Variants in TMEM132D observed in about 807,000 individuals in gnomAD.
TMEM132D encodes transmembrane protein 132D.
A neutral mutation model predicts 62.3 loss-of-function variants in TMEM132D; 21 were observed. The ratio of observed to expected loss-of-function variants is 0.34; its 90% CI spans 0.24 to 0.49. The LOEUF (loss-of-function observed/expected upper bound fraction) is 0.49, where lower values mean the gene tolerates loss of function less well. Ranked by LOEUF, TMEM132D falls within the 20% of genes least tolerant of loss-of-function variation. TMEM132D has a pLI of 0.99. For synonymous variants in TMEM132D, 621 were observed against 575.6 expected, an observed-to-expected ratio of 1.08 and a Z score of -1.13; for missense variants, 1,346 against 1,402.8, an observed-to-expected ratio of 0.96 and a Z score of 0.65.
At chr12:129,155,751 C>T (rs1223410572) in intron 5 of TMEM132D, among the ~76,000 whole-genome samples, 2 of 152,150 alleles carry the variant, frequency 1.3e-5, no homozygotes, top group African/African-American at 2.4e-5. Flanking sequence ...TTATAACCAA[C>T]CCACTCCCAA....
At chr12:129,636,200 GA>G (rs1453549321) in intron 2 of TMEM132D, among the ~76,000 whole-genome samples, 1 of 152,200 alleles carries the variant, frequency 6.6e-6, no homozygotes, top group Admixed American at 6.5e-5. Flanking sequence ...TTCAGGAGCA[GA>G]AAAAGCCCTG....
intron 4 of TMEM132D, chr12:129,211,138 A>C: frequency 6.6e-6 from 1 of 152,224 alleles, no homozygotes; most frequent in East Asian, 1.9e-4. Flanking sequence ...TCTGTATAAT[A>C]CAACTTCCAA....
chr12:129,107,036 C>T (rs372386548), intron 5 of TMEM132D, among the ~76,000 whole-genome samples: 1 of 152,110 alleles, frequency 6.6e-6, no homozygotes, highest in East Asian at 1.9e-4. Context: ...AGACCTTAGC[C>T]GTTTTGTTTA....
intron 2 of TMEM132D, among the ~76,000 whole-genome samples, chr12:129,586,799 T>C (rs1200410944): frequency 6.6e-6 from 1 of 152,174 alleles, no homozygotes; most frequent in Non-Finnish European, 1.5e-5. Flanking sequence ...CTAGCCTATC[T>C]TGACTAATGC....
At chr12:129,663,082 C>T (rs769845896) in intron 2 of TMEM132D, among the ~76,000 whole-genome samples, 2 of 151,964 alleles carry the variant, frequency 1.3e-5, no homozygotes, top group Non-Finnish European at 2.9e-5. Context: ...CAATAGGACA[C>T]CGTTCCAGGC....
chr12:129,082,341 C>T (rs1318220120), intron 6 of TMEM132D, among the ~76,000 whole-genome samples: 8 of 152,188 alleles, frequency 5.3e-5, no homozygotes, highest in Admixed American at 5.2e-4. Context: ...TTCTTTCATC[C>T]AATGAAAAAG....
At chr12:129,342,139 C>G (rs1247754297) in intron 3 of TMEM132D, among the ~76,000 whole-genome samples, 1 of 152,134 alleles carries the variant, frequency 6.6e-6, no homozygotes, top group Admixed American at 6.5e-5. Flanking sequence ...GCCAAAAGAA[C>G]AAAGCTGGAG....
chr12:129,668,290 T>G (rs2137197505), intron 2 of TMEM132D, among the ~76,000 whole-genome samples: 1 of 149,428 alleles, frequency 6.7e-6, no homozygotes, highest in South Asian at 2.2e-4. Flanking sequence ...TCCCATAATC[T>G]TAGGACACAC....
chr12:129,466,948 C>A (rs578004573), intron 3 of TMEM132D, among the ~76,000 whole-genome samples: 1 of 152,254 alleles, frequency 6.6e-6, no homozygotes, highest in Admixed American at 6.5e-5. Flanking sequence ...CTCTGCACTG[C>A]TGTAATTATT....
At chr12:129,356,931 AGAGGG>A (rs766252229) in intron 3 of TMEM132D, among the ~76,000 whole-genome samples, 4,949 of 51,898 alleles carry the variant, frequency 0.095, 222 homozygotes, top group East Asian at 0.37. Flanking sequence ...AGAGGAGAGG[AGAGGG>A]GAGGGGAGGG....
intron 3 of TMEM132D, among the ~76,000 whole-genome samples, chr12:129,429,907 T>C (rs1267797329): frequency 6.6e-6 from 1 of 152,062 alleles, no homozygotes; most frequent in Non-Finnish European, 1.5e-5. Flanking sequence ...ACAAAGGACA[T>C]GAACTCATCC....
At chr12:129,206,274 A>G (rs1878844989) in intron 5 of TMEM132D, among the ~76,000 whole-genome samples, 1 of 152,206 alleles carries the variant, frequency 6.6e-6, no homozygotes, top group Non-Finnish European at 1.5e-5. Flanking sequence ...AACCAACCCC[A>G]CTGAAAAGTG....
intron 5 of TMEM132D, among the ~76,000 whole-genome samples, chr12:129,173,839 T>C (rs763115494): frequency 4.6e-5 from 7 of 152,186 alleles, no homozygotes; most frequent in Non-Finnish European, 1.0e-4. Context: ...CATCCCCCAG[T>C]TGCCAGCATT....
chr12:129,716,057 C>T (rs1297583077), intron 1 of TMEM132D, among the ~76,000 whole-genome samples: 2 of 152,194 alleles, frequency 1.3e-5, no homozygotes, highest in African/African-American at 2.4e-5. Context: ...AGGTAGAAAG[C>T]GGTAGATAAA....
At chr12:129,697,279 C>G (rs1017546342) in intron 2 of TMEM132D, among the ~76,000 whole-genome samples, 1 of 152,170 alleles carries the variant, frequency 6.6e-6, no homozygotes, top group African/African-American at 2.4e-5. Flanking sequence ...AGAGAACAGA[C>G]GCACACCAAT....
At chr12:129,408,349 T>C (rs1403046667) in intron 3 of TMEM132D, among the ~76,000 whole-genome samples, 1 of 152,200 alleles carries the variant, frequency 6.6e-6, no homozygotes, top group Non-Finnish European at 1.5e-5. Context: ...TTTAAAATTA[T>C]AGTAAGAACA....
rs766678401 is a variant in TMEM132D, at chr12:129,084,516, G to A, written c.1630C>T (p.Pro544Ser). 8 of 1,603,630 alleles carry A rather than the reference G, an allele frequency of 5.0e-6. No individual in the cohort carries two copies. The highest frequency in any genetic ancestry group is 2.3e-5 in the South Asian group (2 of 88,756). Residue 544 changes from proline to serine, a missense_variant, in exon 6 of 9, where the codon CCC (proline) becomes TCC (serine). Pro to Ser is a moderately conservative substitution (Grantham distance 74). Transcript: ENST00000422113. Reference sequence around the variant, plus strand: ...ACCCACCTCCTGCTGGAGACGATGGGCACTCTCCAACCCTTGATCTGATTG... The same window carrying A: ...ACCCACCTCCTGCTGGAGACGATGGACACTCTCCAACCCTTGATCTGATTG... ...ELNQIKGWRV[P>S]IVSSRRPAGD...
chr12:129,744,227 T>C (rs1424476697), intron 1 of TMEM132D, among the ~76,000 whole-genome samples: 1 of 152,228 alleles, frequency 6.6e-6, no homozygotes, highest in African/African-American at 2.4e-5. Flanking sequence ...ATGTTAGCTA[T>C]TACTGTGATA....
chr12:129,342,415 A>G (rs1168111109), intron 3 of TMEM132D, among the ~76,000 whole-genome samples: 2 of 151,340 alleles, frequency 1.3e-5, no homozygotes, highest in Non-Finnish European at 2.9e-5. Context: ...ACTGTATACA[A>G]AAATTAATTC....
Sources: gnomAD v4.1 joint callset for allele counts (sites outside exome capture counted in the v4.1 genomes callset) on GRCh38, gnomAD v4.1.1 for gene constraint, MANE v1.5 for transcripts, NCBI Gene and HGNC (gene_info 2026-07-23, HGNC 2026-07-21) for gene names.